The following NRG3 variants were observed in gnomAD, a reference collection of about 807,000 sequenced individuals.
The protein encoded by NRG3 is neuregulin 3, also known as pro-neuregulin-3, membrane-bound isoform.
In NRG3, 31 loss-of-function variants were observed where a neutral mutation model predicts 66.9. That is an observed-to-expected ratio of 0.46 (90% CI 0.35 to 0.63). The LOEUF (loss-of-function observed/expected upper bound fraction) is 0.63, where lower values mean the gene tolerates loss of function less well. Ranked by LOEUF, NRG3 falls within the 20% of genes least tolerant of loss-of-function variation. NRG3 has a pLI of 0.00. For missense variants in NRG3, 910 were observed against 878.9 expected (o/e 1.04, Z -0.45); for synonymous variants, 393 against 359.4 (o/e 1.09, Z -1.06).
chr10:82,642,335 C>T (rs1056099566), intron 2 of NRG3, among the ~76,000 whole-genome samples: 1 of 151,620 alleles, frequency 6.6e-6, no homozygotes, highest in African/African-American at 2.4e-5. Context: ...TAGTATACCA[C>T]AATTTTCCAA....
At chr10:82,592,686 A>C (rs1282943581) in intron 2 of NRG3, among the ~76,000 whole-genome samples, 1 of 152,134 alleles carries the variant, frequency 6.6e-6, no homozygotes, top group Non-Finnish European at 1.5e-5. Flanking sequence ...TCATGCAGCT[A>C]TCTATGCTGC....
intron 1 of NRG3, among the ~76,000 whole-genome samples, chr10:82,165,929 A>G (rs544591332): frequency 1.3e-4 from 20 of 151,788 alleles, no homozygotes; most frequent in African/African-American, 3.6e-4. Context: ...TTTTCTTGCT[A>G]TTCATTTTTT....
intron 1 of NRG3, among the ~76,000 whole-genome samples, chr10:82,004,461 T>G (rs1041191889): frequency 6.6e-6 from 1 of 152,122 alleles, no homozygotes; most frequent in African/African-American, 2.4e-5. Flanking sequence ...CTTTTCTCAT[T>G]TATTTACCAT....
At chr10:82,003,581 A>G (rs1198075514) in intron 1 of NRG3, among the ~76,000 whole-genome samples, 2 of 152,156 alleles carry the variant, frequency 1.3e-5, no homozygotes, top group African/African-American at 2.4e-5. Context: ...CATTTTAAGA[A>G]TGACAGAGTG....
chr10:82,144,144 C>A (rs902126164), intron 1 of NRG3, among the ~76,000 whole-genome samples: 1 of 151,684 alleles, frequency 6.6e-6, no homozygotes, highest in South Asian at 2.1e-4. Flanking sequence ...ATTTAATATT[C>A]TCTGGCTTCA....
At chr10:82,128,502 T>A (rs1409983363) in intron 1 of NRG3, among the ~76,000 whole-genome samples, 2 of 151,940 alleles carry the variant, frequency 1.3e-5, no homozygotes, top group Admixed American at 1.3e-4. Flanking sequence ...CATTTAGAGG[T>A]TAGATTATGA....
chr10:82,845,514 TA>T (rs1300221875), intron 3 of NRG3, among the ~76,000 whole-genome samples: 1 of 151,266 alleles, frequency 6.6e-6, no homozygotes, highest in Non-Finnish European at 1.5e-5. Context: ...ACAAGGGGAT[TA>T]AAAACATGCC....
At chr10:82,443,039 A>G (rs1424209316) in intron 2 of NRG3, among the ~76,000 whole-genome samples, 2 of 151,866 alleles carry the variant, frequency 1.3e-5, no homozygotes, top group Admixed American at 1.3e-4. Context: ...ACTTTTACAT[A>G]CCTCTCTTGG....
chr10:81,994,954 A>G (rs546947176), intron 1 of NRG3, among the ~76,000 whole-genome samples: 5 of 152,074 alleles, frequency 3.3e-5, no homozygotes, highest in East Asian at 3.9e-4. Flanking sequence ...ATTTTTTTCT[A>G]TGGTAACTGC....
At chr10:82,376,681 C>T in intron 2 of NRG3, among the ~76,000 whole-genome samples, 1 of 152,156 alleles carries the variant, frequency 6.6e-6, no homozygotes. Context: ...ACATGGGTCT[C>T]CATAATTGTC....
intron 1 of NRG3, among the ~76,000 whole-genome samples, chr10:81,982,185 C>G (rs1272460426): frequency 6.6e-6 from 1 of 152,108 alleles, no homozygotes; most frequent in Non-Finnish European, 1.5e-5. Flanking sequence ...AGCTGAATAC[C>G]CAGGTTTGTC....
intron 2 of NRG3, among the ~76,000 whole-genome samples, chr10:82,569,534 T>G (rs1308900262): frequency 6.6e-6 from 1 of 151,756 alleles, no homozygotes; most frequent in Non-Finnish European, 1.5e-5. Context: ...TAAACTCTGG[T>G]TTTAAGTCTA....
chr10:82,740,541 T>C (rs1312773812), intron 3 of NRG3, among the ~76,000 whole-genome samples: 1 of 152,100 alleles, frequency 6.6e-6, no homozygotes, highest in Admixed American at 6.5e-5. Context: ...ATTAAAATTA[T>C]AGCTGTGTGA....
intron 1 of NRG3, among the ~76,000 whole-genome samples, chr10:82,200,537 TAGG>T (rs1194358681): frequency 1.3e-5 from 2 of 152,134 alleles, no homozygotes; most frequent in East Asian, 1.9e-4. Context: ...GATAGGGATA[TAGG>T]AGGAGATTGG....
intron 2 of NRG3, among the ~76,000 whole-genome samples, chr10:82,717,074 T>G (rs961718282): frequency 6.6e-6 from 1 of 152,122 alleles, no homozygotes; most frequent in African/African-American, 2.4e-5. Context: ...TCAAACCAAA[T>G]TCTGTACCAC....
At chr10:82,174,807 T>C (rs1248094127) in intron 1 of NRG3, among the ~76,000 whole-genome samples, 1 of 152,034 alleles carries the variant, frequency 6.6e-6, no homozygotes, top group Non-Finnish European at 1.5e-5. Context: ...CTGCTTAAAC[T>C]TCTGACTCCC....
At chr10:81,878,879 C>T (rs1287782228) in intron 1 of NRG3, among the ~76,000 whole-genome samples, 2 of 152,146 alleles carry the variant, frequency 1.3e-5, no homozygotes, top group African/African-American at 4.8e-5. Flanking sequence ...CAGAAGGATC[C>T]TGTCTGTAAG....
chr10:82,367,565 AAGAT>A (rs2135705583), intron 2 of NRG3, among the ~76,000 whole-genome samples: 1 of 152,252 alleles, frequency 6.6e-6, no homozygotes, highest in East Asian at 1.9e-4. Context: ...ATATTTTTTA[AAGAT>A]AAATAAGAAT....
chr10:82,642,947 A>G (rs2050683659), intron 2 of NRG3, among the ~76,000 whole-genome samples: 1 of 152,068 alleles, frequency 6.6e-6, no homozygotes, highest in South Asian at 2.1e-4. Context: ...ATAGATCCTG[A>G]AAAATGTGTA....
Sources: gnomAD v4.1 joint callset for allele counts (sites outside exome capture counted in the v4.1 genomes callset) on GRCh38, gnomAD v4.1.1 for gene constraint, MANE v1.5 for transcripts, NCBI Gene and HGNC (gene_info 2026-07-23, HGNC 2026-07-21) for gene names.